ITGA3: variants seen among roughly 807,000 people sequenced by gnomAD.
ITGA3 encodes integrin subunit alpha 3, also known as integrin alpha-3.
Under a neutral mutation model 131.1 loss-of-function variants are expected in ITGA3, and 70 were observed. That is an observed-to-expected ratio of 0.53 (90% confidence interval 0.44 to 0.65). The LOEUF is 0.65. Ranked by LOEUF, ITGA3 falls within the 30% of genes least tolerant of loss-of-function variation. ITGA3 has a pLI of 0.00. For synonymous variants in ITGA3, 537 were observed against 571.6 expected (o/e 0.94, Z 0.86); for missense variants, 1,098 against 1,388.6 (o/e 0.79, Z 3.33).
At chr17:50,081,473 T>A in intron 23 of ITGA3, 65 bp downstream of exon 23, 2 of 1,183,486 alleles carry the variant, frequency 1.7e-6, no homozygotes, top group Non-Finnish European at 2.5e-6. Flanking sequence ...GGGCATCTTT[T>A]AAGAGGACAC....
At chr17:50,071,275 C>G (rs1337338228) in intron 5 of ITGA3, 36 bp from the exon 6 acceptor site, 1 of 1,587,078 alleles carries the variant, frequency 6.3e-7, no homozygotes, top group Non-Finnish European at 8.6e-7. Context: ...ACGAAGTTGA[C>G]TGGGACCTTG....
At chr17:50,069,958 C>G (rs1908547321) in intron 4 of ITGA3, among the ~76,000 whole-genome samples, 1 of 152,212 alleles carries the variant, frequency 6.6e-6, no homozygotes, top group South Asian at 2.1e-4. Context: ...AGCCTTGAAT[C>G]TCCTCTTGAC....
chr17:50,088,093 C>G, intron 24 of ITGA3, 132 bp from the exon 25 acceptor site: 1 of 1,316,064 alleles, frequency 7.6e-7, no homozygotes, highest in Non-Finnish European at 1.0e-6. Context: ...TGGCTTCTGA[C>G]CACACCACCA....
At chr17:50,061,182 A>G (rs1196016218) in intron 1 of ITGA3, among the ~76,000 whole-genome samples, 1 of 152,086 alleles carries the variant, frequency 6.6e-6, no homozygotes, top group Non-Finnish European at 1.5e-5. Flanking sequence ...GGGGCCTGGG[A>G]TGTAGGGCTG....
chr17:50,087,606 C>T (rs1909511332), intron 23 of ITGA3, 138 bp from the exon 24 acceptor site: 1 of 936,754 alleles, frequency 1.1e-6, no homozygotes, highest in Non-Finnish European at 1.6e-6. Flanking sequence ...GGGGCAGGCA[C>T]AGGCTTTTTC....
In ITGA3 at chr17:50,064,890, G is replaced by C. The variant is rs1024170777; in HGVS notation, c.414+283G>C. On this transcript the variant is annotated intron_variant, in intron 3 of 25. Coordinates refer to ENST00000320031, the MANE Select transcript of ITGA3 (RefSeq NM_002204.4). The surrounding 1 kb of genome is among the most constrained non-coding windows in gnomAD (Gnocchi z 4.4). ...TGCTCAGCCTTCGTGGGAACAAGCC[G>C]AGGGAGCCGAGGGAACTGCAAGGAG... 8 of 319,408 alleles carry C rather than the reference G, an allele frequency of 2.5e-5. No homozygotes were observed. The highest frequency in any genetic ancestry group is 4.4e-5 in the African/African-American group (2 of 45,784). The allele number at this position is 319,408 out of a possible 1,614,324, so 19.8% of individuals were successfully genotyped here. A position where few individuals can be genotyped will look rare whatever the true frequency, so the allele number is the denominator to read the frequency against.
chr17:50,081,080 G>A, intron 22 of ITGA3: 1 of 515,084 alleles, frequency 1.9e-6, no homozygotes, highest in Non-Finnish European at 3.5e-6. Flanking sequence ...GACCTTCATT[G>A]TTTCGGTTGT....
At position 50,071,510 on chromosome 17, in the gene ITGA3, C is replaced by T. The variant is rs890000484; in HGVS notation, c.951C>T (p.Asn317=). 1 of 1,606,588 alleles carries T rather than the reference C, an allele frequency of 6.2e-7. No homozygotes were observed. Among genetic ancestry groups the T allele is most frequent in the Non-Finnish European group, 8.5e-7 (1 of 1,178,972 alleles). The change falls in exon 6 of 26, where the codon AAC becomes AAT. Residue 317 remains asparagine, a synonymous_variant. Transcript: ENST00000320031. ...GCGCCATTGCCCTGGCAGACCTGAA[C>T]AATGATGGGTGAGAATCTAGGGACA... ...FGSAIALADL[N]NDGWQDLLVG...
intron 1 of ITGA3, among the ~76,000 whole-genome samples, chr17:50,059,307 T>C (rs1012356334): frequency 6.6e-6 from 1 of 152,206 alleles, no homozygotes; most frequent in Non-Finnish European, 1.5e-5. Flanking sequence ...TGACATTCCC[T>C]CCTGGGAATC....
rs747710523 is a variant in ITGA3 at position 50,079,428 on chromosome 17, T to C, written c.2584-7T>C. On this transcript the variant is annotated splice_region_variant and splice_polypyrimidine_tract_variant and intron_variant, in intron 20 of 25. Coordinates refer to ENST00000320031, the MANE Select transcript of ITGA3 (RefSeq NM_002204.4). ...CCCTGCCAGCAAATCTCCTATTTCCTCTCCAGGACCCTGGGGACAGGCCAT... is the reference window on the plus strand; with the variant it reads ...CCCTGCCAGCAAATCTCCTATTTCCCCTCCAGGACCCTGGGGACAGGCCAT... 6.5e-7 allele frequency: 1 copy of C among 1,549,816 alleles called. No individual in the cohort carries two copies. The highest frequency in any genetic ancestry group is 1.2e-5 in the South Asian group (1 of 81,598).
chr17:50,078,054 G>T lies in ITGA3; in HGVS notation c.2148G>T (p.Leu716=), dbSNP rs1486925721. The T allele has an allele frequency of 6.2e-7, 1 of 1,611,498 alleles. No individual in the cohort carries two copies. The highest frequency in any genetic ancestry group is 1.3e-5 in the African/African-American group (1 of 74,868). Residue 716 remains leucine (L), a synonymous_variant, in exon 17 of 26, where the codon CTG becomes CTT. Transcript: ENST00000320031. Reference sequence around the variant, plus strand: ...CCTGACCCTTGTGGCAGATGGAGCTGCTCATCGCCTTTGAGGTCATCGGGG... The same window carrying T: ...CCTGACCCTTGTGGCAGATGGAGCTTCTCATCGCCTTTGAGGTCATCGGGG... The part of the protein sequence containing the change: ...NPFKRNQRME[L]LIAFEVIGVT...
intron 7 of ITGA3, 40 bp from the exon 8 acceptor site, chr17:50,073,876 A>T: frequency 6.7e-7 from 1 of 1,486,790 alleles, no homozygotes; most frequent in Non-Finnish European, 9.4e-7. Flanking sequence ...CGTGGGGCCC[A>T]GAGTACCTGG....
chr17:50,061,146 C>G (rs1276677810), intron 1 of ITGA3, among the ~76,000 whole-genome samples: 3 of 152,094 alleles, frequency 2.0e-5, no homozygotes, highest in African/African-American at 7.2e-5. Flanking sequence ...GAAGCGGGGG[C>G]TCACTCTGGA....
intron 1 of ITGA3, 133 bp from the exon 2 acceptor site, chr17:50,063,944 G>T: frequency 8.0e-7 from 1 of 1,248,410 alleles, no homozygotes; most frequent in Non-Finnish European, 1.1e-6. Flanking sequence ...CCTACACTGG[G>T]CACTTCTGGA....
Position 50,056,467 on chromosome 17 carries a change from C to G in ITGA3, c.28C>G (p.Arg10Gly), listed in dbSNP as rs967488958. 2.0e-6 allele frequency: 3 copies of G among 1,538,088 alleles called. No individual in the cohort carries two copies. Among genetic ancestry groups the G allele is most frequent in the Non-Finnish European group, 2.6e-6 (3 of 1,142,092 alleles). Residue 10 changes from arginine to glycine, a missense_variant, in exon 1 of 26, where the codon CGC becomes GGC. By Grantham distance (125) the Arg-to-Gly change is moderately radical. This residue lies in a region of ITGA3 where 43 missense variants were observed against 30.3 expected (regional missense o/e 1.42). Transcript: ENST00000320031. The surrounding 1 kb of genome is among the most constrained non-coding windows in gnomAD (Gnocchi z 5.6). MGPGPSRAP[R>G]APRLMLCALA... The stretch of plus-strand genomic sequence containing the variant: ...GGGCCCCGGCCCCAGCCGCGCGCCC[C>G]GCGCCCCACGCCTGATGCTCTGTGC...
intron 4 of ITGA3, 152 bp downstream of exon 4, chr17:50,068,457 A>G (rs1908439492): frequency 4.9e-6 from 4 of 814,830 alleles, no homozygotes; most frequent in South Asian, 1.8e-5. Flanking sequence ...GTTTTAAAGC[A>G]CTTACTATGT....
Position 50,071,983 on chromosome 17 carries a change from T to C in ITGA3, c.960-3T>C. The C allele has an allele frequency of 6.2e-7, 1 of 1,612,442 alleles. No homozygotes were observed. Among genetic ancestry groups the C allele is most frequent in the Non-Finnish European group, 8.5e-7 (1 of 1,179,006 alleles). ...ACTCCCATTTCCCTCCTCTCCTGTG[T>C]AGGTGGCAGGACCTCCTGGTGGGCG... On this transcript the variant is annotated splice_region_variant and splice_polypyrimidine_tract_variant and intron_variant, in intron 6 of 25. Coordinates refer to ENST00000320031, the MANE Select transcript of ITGA3 (RefSeq NM_002204.4).
intron 23 of ITGA3, chr17:50,087,421 G>T (rs959149118): frequency 4.8e-5 from 13 of 268,122 alleles, no homozygotes; most frequent in Non-Finnish European, 7.0e-5. Context: ...GATTCAGAGG[G>T]GTGCAATTAC....
intron 16 of ITGA3, among the ~76,000 whole-genome samples, 183 bp downstream of exon 16, chr17:50,077,630 G>T (rs1908977413): frequency 6.6e-6 from 1 of 152,202 alleles, no homozygotes; most frequent in South Asian, 2.1e-4. Flanking sequence ...AAATGGGGCT[G>T]CTAGGGAGCT....
Sources: allele counts gnomAD v4.1 joint callset (sites outside exome capture counted in the v4.1 genomes callset), GRCh38; gene constraint gnomAD v4.1.1; regional missense constraint gnomAD v4.1.1; non-coding constraint Gnocchi (gnomAD v3.1); transcripts MANE v1.5; gene names NCBI Gene and HGNC (gene_info 2026-07-23, HGNC 2026-07-21).